Variants in WTIP observed in about 807,000 individuals in gnomAD.
WTIP encodes the protein Wilms tumor protein 1-interacting protein.
WTIP carries 23 observed loss-of-function variants against 41.7 expected under a neutral mutation model. The observed-to-expected ratio is 0.55, with a 90% confidence interval of 0.40 to 0.78. The LOEUF (loss-of-function observed/expected upper bound fraction) is 0.78. WTIP is among the 30% of genes least tolerant of loss of function. The pLI is 0.00. For missense variants in WTIP, 619 were observed against 610.5 expected (o/e 1.01, Z -0.15); for synonymous variants, 314 against 269.9 (o/e 1.16, Z -1.60).
chr19:34,494,486 A>G (rs2075842792), intron 5 of WTIP, 100 bp from the exon 6 acceptor site: 1 of 1,165,226 alleles, frequency 8.6e-7, no homozygotes, highest in Non-Finnish European at 1.3e-6. Context: ...AGGGCCTGAT[A>G]CTTGGGCTAC....
intron 7 of WTIP, 41 bp downstream of exon 7, chr19:34,495,812 C>T (rs1481976938): frequency 2.5e-6 from 4 of 1,601,924 alleles, no homozygotes; most frequent in Non-Finnish European, 2.6e-6. Context: ...TGGGGCAGGC[C>T]TCCTCCCACA....
rs1034684033 is a variant in WTIP at position 34,509,849 on chromosome 19, C to T, written c.*9580C>T. 1.3e-5 allele frequency: 2 copies of T among 152,162 alleles called. No homozygotes were observed. Among genetic ancestry groups the T allele is most frequent in the Non-Finnish European group, 2.9e-5 (2 of 68,038 alleles). 9.4% of individuals were successfully genotyped at this position (152,162 alleles called of 1,614,324 possible). A position where few individuals can be genotyped will look rare whatever the true frequency, so the allele number is the denominator to read the frequency against. ...ACAGGACCCATGCAAGTCCAAAATC[C>T]AGCGGGGCAGTCAAATTTTGAAGCT... is the stretch of plus-strand genomic sequence containing the variant. On this transcript the variant is annotated 3_prime_UTR_variant, in exon 8 of 8. Coordinates refer to ENST00000590071, the MANE Select transcript of WTIP (RefSeq NM_001080436.2).
At chr19:34,496,885 A>G (rs1021199829) in intron 7 of WTIP, among the ~76,000 whole-genome samples, 19 of 133,216 alleles carry the variant, frequency 1.4e-4, no homozygotes, top group African/African-American at 2.0e-4. Context: ...TTTTGTTGAG[A>G]TGAGTCTCAC....
At chr19:34,495,059 G>A (rs1400537798) in intron 6 of WTIP, among the ~76,000 whole-genome samples, 1 of 152,202 alleles carries the variant, frequency 6.6e-6, no homozygotes, top group Non-Finnish European at 1.5e-5. Context: ...AGGCTGGTGT[G>A]CCTGGCAAAG....
At chr19:34,487,298 C>T (rs1028497359) in intron 1 of WTIP, among the ~76,000 whole-genome samples, 1 of 151,264 alleles carries the variant, frequency 6.6e-6, no homozygotes, top group African/African-American at 2.4e-5. Flanking sequence ...GATGAGGTTT[C>T]ACCATGTTGG....
intron 2 of WTIP, among the ~76,000 whole-genome samples, chr19:34,491,507 G>A (rs1290335516): frequency 1.3e-5 from 2 of 150,624 alleles, no homozygotes; most frequent in East Asian, 2.0e-4. Context: ...TATTTTTTTA[G>A]TGAGATGGGA....
At position 34,500,798 on chromosome 19, in the gene WTIP, AG is replaced by A; in HGVS notation, c.*534del. ...TGCCTGGTTTAGGCGGGGTCCCAGGAGGGGGTGAGGGGTGACACCCTTGGGG... is the reference window on the plus strand; with the variant it reads ...TGCCTGGTTTAGGCGGGGTCCCAGGAGGGGTGAGGGGTGACACCCTTGGGG... On this transcript the variant is annotated 3_prime_UTR_variant, in exon 8 of 8. Coordinates refer to ENST00000590071, the MANE Select transcript of WTIP (RefSeq NM_001080436.2). The A allele has an allele frequency of 6.5e-6, 1 of 153,192 alleles. No homozygotes were observed. Among genetic ancestry groups the A allele is most frequent in the Non-Finnish European group, 1.5e-5 (1 of 68,714 alleles). The allele number at this position is 153,192 out of a possible 1,614,324, so 9.5% of individuals were successfully genotyped here.
chr19:34,499,359 T>A (rs564765099), intron 7 of WTIP, among the ~76,000 whole-genome samples: 9 of 151,232 alleles, frequency 6.0e-5, no homozygotes, highest in African/African-American at 2.2e-4. Context: ...ATAAACAAAA[T>A]TCACAGGGCG....
chr19:34,508,914 A>ATTTTCTTCTACAACACG lies in WTIP; in HGVS notation c.*8646_*8662dup, dbSNP rs1465111114. The ATTTTCTTCTACAACACG allele has an allele frequency of 6.6e-6, 1 of 152,154 alleles. No individual in the cohort carries two copies. The highest frequency in any genetic ancestry group is 1.5e-5 in the Non-Finnish European group (1 of 68,032). The allele number at this position is 152,154 out of a possible 1,614,324, so 9.4% of individuals were successfully genotyped here. On this transcript the variant is annotated 3_prime_UTR_variant, in exon 8 of 8. Transcript: ENST00000590071. Reference sequence around the variant, plus strand: ...AAGTAAGTATGACTCCCACATGAAAATTTTCTTCTACAACACGACATACGT... The same window carrying ATTTTCTTCTACAACACG: ...AAGTAAGTATGACTCCCACATGAAAATTTTCTTCTACAACACGTTTTCTTCTACAACACGACATACGT...
chr19:34,511,437 AC>A lies in WTIP; in HGVS notation c.*11169del, dbSNP rs1207760363. ...TTCAAGATGAGATTTCGGTGGGGAC[AC>A]AGAGCCAAACCGTATCAGACCCCGT... On this transcript the variant is annotated 3_prime_UTR_variant, in exon 8 of 8. Transcript: ENST00000590071. 2 of 152,136 alleles carry A rather than the reference AC, an allele frequency of 1.3e-5. No individual in the cohort carries two copies. The highest frequency in any genetic ancestry group is 4.8e-5 in the African/African-American group (2 of 41,416). 9.4% of individuals were successfully genotyped at this position (152,136 alleles called of 1,614,324 possible).
At chr19:34,487,365 G>C (rs2145594943) in intron 1 of WTIP, among the ~76,000 whole-genome samples, 1 of 152,338 alleles carries the variant, frequency 6.6e-6, no homozygotes, top group South Asian at 2.1e-4. Flanking sequence ...GCCTCCGAAA[G>C]TGTTGGGATT....
chr19:34,482,282 G>T lies in WTIP; in HGVS notation c.308G>T (p.Gly103Val), dbSNP rs751269857. ...GGGTCCGACGGCGGCGGCGGTGGCG[G>T]CAGCGCCCGATCCAGCGGCATCAGC... Reference protein sequence around the residue: ...LAGSDGGGGGGSARSSGISLG... With the variant: ...LAGSDGGGGGVSARSSGISLG... The change falls in exon 1 of 8, where the codon GGC (glycine) becomes GTC (valine). Residue 103 changes from glycine (G) to valine (V), a missense_variant. Gly to Val is a moderately radical substitution (Grantham distance 109). Around this residue, in one of 3 missense-constraint regions of WTIP, gnomAD observed 363 missense variants for 309.0 expected, o/e 1.17. Coordinates refer to ENST00000590071, the MANE Select transcript of WTIP (RefSeq NM_001080436.2). The T allele has an allele frequency of 1.5e-6, 2 of 1,325,928 alleles. No homozygotes were observed. Among genetic ancestry groups the T allele is most frequent in the South Asian group, 1.6e-5 (1 of 61,552 alleles). The allele number at this position is 1,325,928 out of a possible 1,614,324, so 82.1% of individuals were successfully genotyped here.
In WTIP at chr19:34,507,842, G is replaced by A. The variant is rs1342914815; in HGVS notation, c.*7573G>A. 1 of 152,172 alleles carries A rather than the reference G, an allele frequency of 6.6e-6. No individual in the cohort carries two copies. The highest frequency in any genetic ancestry group is 1.5e-5 in the Non-Finnish European group (1 of 68,040). 9.4% of individuals were successfully genotyped at this position (152,172 alleles called of 1,614,324 possible). A position where few individuals can be genotyped will look rare whatever the true frequency, so the allele number is the denominator to read the frequency against. The stretch of plus-strand genomic sequence containing the variant: ...ATGCACAGATTTCAATCCATCCTAC[G>A]GCTTCAGCCTCCAGTCCTGGTCCCA... On this transcript the variant is annotated 3_prime_UTR_variant, in exon 8 of 8. Coordinates refer to ENST00000590071, the MANE Select transcript of WTIP (RefSeq NM_001080436.2).
Position 34,482,580 on chromosome 19 carries a change from G to T in WTIP, c.606G>T (p.Leu202=), listed in dbSNP as rs1416006033. The change falls in exon 1 of 8, where the codon CTG becomes CTT. Residue 202 remains leucine, a synonymous_variant. Transcript: ENST00000590071. ...GCCCAAGCGCGGCCGAGCGGCGGCT[G>T]GAGGCGCTCACCCGGGAGCTGGAGC... ...EGGPSAAERR[L]EALTRELERA... The T allele has an allele frequency of 1.8e-4, 226 of 1,230,420 alleles. No individual in the cohort carries two copies. Among genetic ancestry groups the T allele is most frequent in the Middle Eastern group, 3.1e-4 (1 of 3,218 alleles). The allele number at this position is 1,230,420 out of a possible 1,614,324, so 76.2% of individuals were successfully genotyped here. A position where few individuals can be genotyped will look rare whatever the true frequency, so the allele number is the denominator to read the frequency against.
chr19:34,496,550 C>T (rs1344553236), intron 7 of WTIP, among the ~76,000 whole-genome samples: 1 of 152,042 alleles, frequency 6.6e-6, no homozygotes, highest in African/African-American at 2.4e-5. Flanking sequence ...GGAGTGAAGG[C>T]AGGTGCTCCC....
In WTIP at chr19:34,509,050, T is replaced by C. The variant is rs1417644715; in HGVS notation, c.*8781T>C. The C allele has an allele frequency of 6.6e-6, 1 of 152,182 alleles. No individual in the cohort carries two copies. 9.4% of individuals were successfully genotyped at this position (152,182 alleles called of 1,614,324 possible). A position where few individuals can be genotyped will look rare whatever the true frequency, so the allele number is the denominator to read the frequency against. On this transcript the variant is annotated 3_prime_UTR_variant, in exon 8 of 8. Coordinates refer to ENST00000590071, the MANE Select transcript of WTIP (RefSeq NM_001080436.2). ...CATGCGGTGATAAATAATATGGCAG[T>C]TAGAGCTGGGTGCACTTGGCTCCTG...
In WTIP at chr19:34,482,532, G is replaced by T; in HGVS notation, c.558G>T (p.Pro186=). The change falls in exon 1 of 8, where the codon CCG becomes CCT. Residue 186 remains proline (P), a synonymous_variant. Transcript: ENST00000590071. Reference sequence around the variant, plus strand: ...CTCCCTTCCCGCTGCCTGCACTCCCGCTGCCCCCTGGCCGGGAGGGCGGCC... The same window carrying T: ...CTCCCTTCCCGCTGCCTGCACTCCCTCTGCCCCCTGGCCGGGAGGGCGGCC... ...GPAPFPLPAL[P]LPPGREGGPS... The T allele has an allele frequency of 1.6e-6, 2 of 1,228,400 alleles. No homozygotes were observed. The highest frequency in any genetic ancestry group is 7.8e-5 in the South Asian group (2 of 25,598). The allele number at this position is 1,228,400 out of a possible 1,614,324, so 76.1% of individuals were successfully genotyped here. A position where few individuals can be genotyped will look rare whatever the true frequency, so the allele number is the denominator to read the frequency against.
At chr19:34,496,596 T>C (rs1395673553) in intron 7 of WTIP, among the ~76,000 whole-genome samples, 2 of 151,588 alleles carry the variant, frequency 1.3e-5, no homozygotes, top group East Asian at 3.9e-4. Context: ...GGGGCCTGGG[T>C]TCACAGAGGT....
chr19:34,493,504 C>G lies in WTIP; in HGVS notation c.913C>G (p.Leu305Val), dbSNP rs764172925. The change falls in exon 5 of 8, where the codon CTG (leucine) becomes GTG (valine). Residue 305 changes from leucine to valine, a missense_variant. This residue lies in a region of WTIP where 164 missense variants were observed against 219.1 expected (regional missense o/e 0.75). Transcript: ENST00000590071. This position sits in a 1 kb window ranked among gnomAD's most constrained non-coding sequence, Gnocchi z 4.1. Reference protein sequence around the residue: ...HLIMEMILQALGKSYHPGCFR... With the variant: ...HLIMEMILQAVGKSYHPGCFR... ...GCCCCGCCCACAGATCCTGCAGGCC[C>G]TGGGCAAGTCCTACCACCCAGGCTG... 1 of 1,613,628 alleles carries G rather than the reference C, an allele frequency of 6.2e-7. No individual in the cohort carries two copies. The highest frequency in any genetic ancestry group is 1.7e-5 in the Admixed American group (1 of 60,028).
Sources: allele counts gnomAD v4.1 joint callset (sites outside exome capture counted in the v4.1 genomes callset), GRCh38; gene constraint gnomAD v4.1.1; regional missense constraint gnomAD v4.1.1; non-coding constraint Gnocchi (gnomAD v3.1); transcripts MANE v1.5; gene names NCBI Gene and HGNC (gene_info 2026-07-23, HGNC 2026-07-21).